Variants in P2RY12 observed in about 807,000 individuals in gnomAD.
P2RY12 encodes the protein purinergic receptor P2Y12, also known as P2Y purinoceptor 12.
Under a neutral mutation model 4.5 loss-of-function variants are expected in P2RY12, and 3 were observed. That is an observed-to-expected ratio of 0.67 (90% CI 0.31 to 1.74). P2RY12 has a LOEUF of 1.74. Among genes scored for constraint, P2RY12 ranks in the 40% most tolerant of loss-of-function variants. The pLI, the probability that P2RY12 is intolerant of heterozygous loss-of-function variation, is 0.09. For synonymous variants in P2RY12, 148 were observed against 154.1 expected (o/e 0.96, Z 0.29); for missense variants, 356 against 407.8 (o/e 0.87, Z 1.09).
chr3:151,368,483 T>TA (rs1755559356), intron 1 of P2RY12, among the ~76,000 whole-genome samples: 1 of 152,096 alleles, frequency 6.6e-6, no homozygotes, highest in South Asian at 2.1e-4. Flanking sequence ...GCAATAAAAA[T>TA]ACCTCTGCTC....
In P2RY12 at chr3:151,338,577, C is replaced by A; in HGVS notation, c.269G>T (p.Gly90Val). The A allele has an allele frequency of 6.2e-7, 1 of 1,613,824 alleles. No homozygotes were observed. Among genetic ancestry groups the A allele is most frequent in the Non-Finnish European group, 8.5e-7 (1 of 1,179,936 alleles). The stretch of plus-strand genomic sequence containing the variant: ...TTGACACACAAAAGTTCTCAGTGGT[C>A]CTGTTCCCAGTTTGGCATCACTAAG... ...KILSDAKLGT[G>V]PLRTFVCQVT... The change falls in exon 3 of 3, where the codon GGA (glycine) becomes GTA (valine). Residue 90 changes from glycine to valine, a missense_variant. Coordinates refer to ENST00000302632, the MANE Select transcript of P2RY12 (RefSeq NM_022788.5).
rs560558243 is a variant in P2RY12, at chr3:151,376,226, A to G, written c.-180+8466T>C. On this transcript the variant is annotated intron_variant, in intron 1 of 2. Coordinates refer to ENST00000302632, the MANE Select transcript of P2RY12 (RefSeq NM_022788.5). ...AGCGTATTCTTCAGGTCAGTCGTAT[A>G]CAGATTGTGTTTCTGTCATTTGATA... 9 of 1,440,778 alleles carry G rather than the reference A, an allele frequency of 6.2e-6. No individual in the cohort carries two copies. The South Asian group carries it at 1.1e-4, about 18-fold the overall frequency. 89.2% of individuals were successfully genotyped at this position (1,440,778 alleles called of 1,614,324 possible). A position where few individuals can be genotyped will look rare whatever the true frequency, so the allele number is the denominator to read the frequency against.
chr3:151,341,369 A>G (rs1054776172), intron 1 of P2RY12, among the ~76,000 whole-genome samples: 6 of 152,060 alleles, frequency 3.9e-5, no homozygotes, highest in African/African-American at 1.4e-4. Context: ...TGTGTCGTTC[A>G]TGCTTTTCTT....
chr3:151,366,809 C>A (rs1755341123), intron 1 of P2RY12, among the ~76,000 whole-genome samples: 1 of 152,080 alleles, frequency 6.6e-6, no homozygotes, highest in South Asian at 2.1e-4. Flanking sequence ...GCCTGCTTTT[C>A]TGGACAGAAG....
chr3:151,357,088 A>G, intron 1 of P2RY12: 1 of 871,270 alleles, frequency 1.1e-6, no homozygotes, highest in Non-Finnish European at 1.7e-6. Context: ...AAATTTTAAA[A>G]AAGTTAAATT....
intron 1 of P2RY12, chr3:151,365,782 A>C (rs1239508370): frequency 1.5e-6 from 2 of 1,294,062 alleles, no homozygotes; most frequent in Non-Finnish European, 2.1e-6. Context: ...ATGTTAATTA[A>C]GTATATCACA....
intron 1 of P2RY12, among the ~76,000 whole-genome samples, chr3:151,374,992 G>A (rs1040900595): frequency 2.6e-5 from 4 of 152,070 alleles, no homozygotes; most frequent in African/African-American, 4.8e-5. Context: ...GTGTCATACC[G>A]ACTGGGTCAT....
Position 151,350,237 on chromosome 3 carries a change from G to T in P2RY12, c.-179-9477C>A, listed in dbSNP as rs780539753. On this transcript the variant is annotated intron_variant, in intron 1 of 2. Transcript: ENST00000302632. ...GAACCTTAATGCATTTGCTCCCATTGTGTTGCCTTTTGCCTTCCCTCTGAG... is the reference window on the plus strand; with the variant it reads ...GAACCTTAATGCATTTGCTCCCATTTTGTTGCCTTTTGCCTTCCCTCTGAG... 36 of 1,605,390 alleles carry T rather than the reference G, an allele frequency of 2.2e-5. No homozygotes were observed. The Admixed American group carries it at 2.9e-4, about 13-fold the overall frequency.
chr3:151,368,296 T>A, intron 1 of P2RY12: 1 of 1,529,142 alleles, frequency 6.5e-7, no homozygotes, highest in Non-Finnish European at 9.1e-7. Flanking sequence ...CATTGGTAGC[T>A]AAAGTTTCTA....
chr3:151,383,770 G>A lies in P2RY12; in HGVS notation c.-180+922C>T, dbSNP rs139082916. 3.2e-6 allele frequency: 5 copies of A among 1,586,754 alleles called. No individual in the cohort carries two copies. The African/African-American group carries it at 6.7e-5, about 21-fold the overall frequency. ...GAATGCAAATATCTTACTGTATTTT[G>A]TCTGCTAGGTAGGAGGAATGTTTGA... is the stretch of plus-strand genomic sequence containing the variant. On this transcript the variant is annotated intron_variant, in intron 1 of 2. Coordinates refer to ENST00000302632, the MANE Select transcript of P2RY12 (RefSeq NM_022788.5).
At chr3:151,354,239 A>C (rs898209821) in intron 1 of P2RY12, among the ~76,000 whole-genome samples, 1 of 151,522 alleles carries the variant, frequency 6.6e-6, no homozygotes, top group African/African-American at 2.4e-5. Flanking sequence ...TTGTCTTTGT[A>C]AACATAAAAT....
intron 1 of P2RY12, among the ~76,000 whole-genome samples, chr3:151,382,261 G>A (rs545961376): frequency 6.6e-6 from 1 of 152,210 alleles, no homozygotes; most frequent in South Asian, 2.1e-4. Context: ...ACATTTGCTA[G>A]GGTTCAGCAA....
At chr3:151,372,483 C>A in intron 1 of P2RY12, 1 of 978,404 alleles carries the variant, frequency 1.0e-6, no homozygotes, top group South Asian at 1.4e-5. Flanking sequence ...TTTTAAATCC[C>A]TGAATGCTAT....
At chr3:151,380,351 C>T in intron 1 of P2RY12, 2 of 593,502 alleles carry the variant, frequency 3.4e-6, no homozygotes, top group Non-Finnish European at 2.8e-6. Flanking sequence ...AATCCCAGCA[C>T]TTTGGGAGGC....
intron 1 of P2RY12, among the ~76,000 whole-genome samples, chr3:151,360,875 A>G (rs1364485831): frequency 1.3e-5 from 2 of 152,140 alleles, no homozygotes; most frequent in East Asian, 3.8e-4. Context: ...TATTTCTTCA[A>G]TAAATAAAGT....
At chr3:151,354,423 AT>A (rs1423375545) in intron 1 of P2RY12, among the ~76,000 whole-genome samples, 1 of 152,084 alleles carries the variant, frequency 6.6e-6, no homozygotes, top group African/African-American at 2.4e-5. Context: ...GAATGATTTA[AT>A]TTTTTGCCAC....
intron 1 of P2RY12, chr3:151,364,877 A>G (rs1015986941): frequency 1.3e-6 from 1 of 784,812 alleles, no homozygotes; most frequent in Non-Finnish European, 2.2e-6. Context: ...TTCTCTAGGA[A>G]TGCATTACAG....
At chr3:151,354,613 A>T (rs1753689725) in intron 1 of P2RY12, among the ~76,000 whole-genome samples, 1 of 152,212 alleles carries the variant, frequency 6.6e-6, no homozygotes, top group South Asian at 2.1e-4. Context: ...TTGTTTAGTG[A>T]GAAATGTTTA....
At chr3:151,354,173 G>GTGC (rs1487426325) in intron 1 of P2RY12, among the ~76,000 whole-genome samples, 1 of 138,712 alleles carries the variant, frequency 7.2e-6, no homozygotes, top group Admixed American at 7.3e-5. Flanking sequence ...AAGAATCACA[G>GTGC]TGCTAGAAAT....
Sources: allele counts gnomAD v4.1 joint callset (sites outside exome capture counted in the v4.1 genomes callset), GRCh38; gene constraint gnomAD v4.1.1; transcripts MANE v1.5; gene names NCBI Gene and HGNC (gene_info 2026-07-23, HGNC 2026-07-21).